The following NTN1 variants were observed in gnomAD, a reference collection of about 807,000 sequenced individuals.
The protein encoded by NTN1 is netrin-1.
NTN1 carries 11 observed loss-of-function variants against 54.2 expected under a neutral mutation model. That is an observed-to-expected ratio of 0.20 (90% CI 0.13 to 0.34). The LOEUF is 0.34. NTN1 is among the 10% of genes least tolerant of loss of function. The pLI, the probability that NTN1 is intolerant of heterozygous loss-of-function variation, is 1.00. For missense variants in NTN1, 740 were observed against 893.1 expected (o/e 0.83, Z 2.18); for synonymous variants, 371 against 382.0 (o/e 0.97, Z 0.33).
At chr17:9,228,908 C>CTGATCGTG (rs11281340) in intron 6 of NTN1, among the ~76,000 whole-genome samples, 2 of 149,502 alleles carry the variant, frequency 1.3e-5, no homozygotes, top group Non-Finnish European at 3.0e-5. Context: ...GTGTTCGTGA[C>CTGATCGTG]TGTGTGTGAC....
Position 9,243,011 on chromosome 17 carries a change from T to G in NTN1, c.*3043T>G, listed in dbSNP as rs1453656882. The stretch of plus-strand genomic sequence containing the variant: ...TTTGTTTGAAGAAAAACATACCAGA[T>G]TAGTCTTTGTTTTTGAAACAGCTTC... On this transcript the variant is annotated 3_prime_UTR_variant, in exon 7 of 7. Transcript: ENST00000173229. The G allele has an allele frequency of 6.6e-6, 1 of 152,214 alleles. No homozygotes were observed. The highest frequency in any genetic ancestry group is 1.5e-5 in the Non-Finnish European group (1 of 68,034). The allele number at this position is 152,214 out of a possible 1,614,324, so 9.4% of individuals were successfully genotyped here.
chr17:9,115,202 T>C (rs1341739617), intron 2 of NTN1, among the ~76,000 whole-genome samples: 1 of 152,216 alleles, frequency 6.6e-6, no homozygotes, highest in Non-Finnish European at 1.5e-5. Flanking sequence ...GAACTTGAGC[T>C]CATTCATTTG....
At chr17:9,151,184 G>T (rs570676565) in intron 2 of NTN1, among the ~76,000 whole-genome samples, 2 of 152,274 alleles carry the variant, frequency 1.3e-5, no homozygotes, top group African/African-American at 4.8e-5. Flanking sequence ...ACTCCTAGCA[G>T]CCCTTTTGTC....
In NTN1 at chr17:9,135,102, C is replaced by T. The variant is rs1048285411; in HGVS notation, c.1019-27711C>T. 6.6e-6 allele frequency among the ~76,000 whole-genome samples: 1 copy of T among 152,112 alleles called. No homozygotes were observed. Among genetic ancestry groups the T allele is most frequent in the Non-Finnish European group, 1.5e-5 (1 of 68,020 alleles). On this transcript the variant is annotated intron_variant, in intron 2 of 6. Coordinates refer to ENST00000173229, the MANE Select transcript of NTN1 (RefSeq NM_004822.3). This position sits in a 1 kb window ranked among gnomAD's most constrained non-coding sequence, Gnocchi z 4.4. The stretch of plus-strand genomic sequence containing the variant: ...GGTGTCCCCATCCACACCGAGGGCC[C>T]GGTAAGGCACATTGTCCCCCAGCCC...
chr17:9,111,223 A>C (rs1372802626), intron 2 of NTN1, among the ~76,000 whole-genome samples: 1 of 152,178 alleles, frequency 6.6e-6, no homozygotes, highest in Non-Finnish European at 1.5e-5. Flanking sequence ...GGCGTGAGCC[A>C]CTGCGCCCTG....
In NTN1 at chr17:9,162,782, G is replaced by A. The variant is rs371277642; in HGVS notation, c.1019-31G>A. On this transcript the variant is annotated intron_variant, in intron 2 of 6. Transcript: ENST00000173229. The stretch of plus-strand genomic sequence containing the variant: ...GTGCCTGTCCTCCCCGCGCCCCTGC[G>A]GCTGACACCTCTCTCTGTCTCCCCC... The A allele has an allele frequency of 6.3e-6, 10 of 1,582,942 alleles. No individual in the cohort carries two copies. In the South Asian group the frequency reaches 6.8e-5, roughly 11 times the overall value.
intron 1 of NTN1, 90 bp from the exon 2 acceptor site, chr17:9,022,221 G>A: frequency 2.3e-6 from 2 of 863,814 alleles, no homozygotes; most frequent in South Asian, 5.7e-5. Context: ...CCAGGAAGCC[G>A]GGCGTTCTCC....
intron 2 of NTN1, among the ~76,000 whole-genome samples, chr17:9,028,314 G>T (rs2091877911): frequency 6.6e-6 from 1 of 152,164 alleles, no homozygotes; most frequent in South Asian, 2.1e-4. Context: ...AGCAGCACAG[G>T]GCTGTCATTC....
intron 2 of NTN1, among the ~76,000 whole-genome samples, chr17:9,033,917 C>CA (rs58699789): frequency 0.3 from 31,965 of 106,190 alleles, 4,555 homozygotes; most frequent in East Asian, 0.61. Flanking sequence ...AACTCTGTCT[C>CA]AAAAAAAAAA....
chr17:9,099,915 T>C (rs1251055840), intron 2 of NTN1, among the ~76,000 whole-genome samples: 1 of 152,066 alleles, frequency 6.6e-6, no homozygotes, highest in Non-Finnish European at 1.5e-5. Flanking sequence ...AGAAGAAAAA[T>C]GTACTGAGTA....
In NTN1 at chr17:9,098,334, C is replaced by T. The variant is rs901793034; in HGVS notation, c.1019-64479C>T. On this transcript the variant is annotated intron_variant, in intron 2 of 6. Coordinates refer to ENST00000173229, the MANE Select transcript of NTN1 (RefSeq NM_004822.3). ...CAGGGTCTCCAGCAGTGCCTGCAGC[C>T]AGGTGTCCTGGGAGGCACCTGTGCA... Among the ~76,000 whole-genome samples, 4 of 152,218 alleles carry T rather than the reference C, an allele frequency of 2.6e-5. No homozygotes were observed. In the East Asian group the frequency reaches 7.7e-4, roughly 29 times the overall value.
intron 2 of NTN1, among the ~76,000 whole-genome samples, chr17:9,093,527 G>A (rs573924824): frequency 7.2e-5 from 11 of 152,218 alleles, no homozygotes; most frequent in East Asian, 1.9e-4. Flanking sequence ...CACACTTGGC[G>A]AATTTTCTTA....
rs1042914557 is a variant in NTN1, at chr17:9,221,031, G to A, written c.1412-137G>A. ...AAGCGCAGGCCTTTCCTGAATGGCC[G>A]CCTGCCCGCCCGGCCTGGCCCATGG... On this transcript the variant is annotated intron_variant, in intron 5 of 6. Coordinates refer to ENST00000173229, the MANE Select transcript of NTN1 (RefSeq NM_004822.3). The surrounding 1 kb of genome is among the most constrained non-coding windows in gnomAD (Gnocchi z 4.5). The A allele has an allele frequency of 7.2e-5, 53 of 731,488 alleles. No homozygotes were observed. Among genetic ancestry groups the A allele is most frequent in the South Asian group, 2.2e-4 (14 of 63,860 alleles). 45.3% of individuals were successfully genotyped at this position (731,488 alleles called of 1,614,324 possible). A position where few individuals can be genotyped will look rare whatever the true frequency, so the allele number is the denominator to read the frequency against.
rs140629371 is a variant in NTN1 at position 9,178,112 on chromosome 17, G to A, written c.1208-1695G>A. On this transcript the variant is annotated intron_variant, in intron 3 of 6. Transcript: ENST00000173229. Reference sequence around the variant, plus strand: ...CTCGGGAAGCTGAGGCAGGAGAATCGTTTGAACCCGGGAGGCGGAGGTTGC... The same window carrying A: ...CTCGGGAAGCTGAGGCAGGAGAATCATTTGAACCCGGGAGGCGGAGGTTGC... Among the ~76,000 whole-genome samples the A allele has an allele frequency of 1.6e-3, 241 of 152,330 alleles. 1 individual carries two copies. Among genetic ancestry groups the A allele is most frequent in the African/African-American group, 5.2e-3 (216 of 41,572 alleles).
chr17:9,181,356 C>T (rs2092418643), intron 4 of NTN1, among the ~76,000 whole-genome samples: 1 of 152,168 alleles, frequency 6.6e-6, no homozygotes, highest in African/African-American at 2.4e-5. Flanking sequence ...CAGAGCCAGG[C>T]TGACCTCAGG....
intron 2 of NTN1, among the ~76,000 whole-genome samples, chr17:9,089,690 C>T (rs927797930): frequency 2.0e-5 from 3 of 152,082 alleles, no homozygotes; most frequent in Admixed American, 6.6e-5. Flanking sequence ...TGGGTGCTTT[C>T]GGACTCTCAG....
At chr17:9,203,978 G>C (rs1342175710) in intron 5 of NTN1, among the ~76,000 whole-genome samples, 5 of 152,294 alleles carry the variant, frequency 3.3e-5, no homozygotes, top group Admixed American at 6.5e-5. Context: ...GCTGTTCTGA[G>C]GGTGAAACAG....
intron 2 of NTN1, among the ~76,000 whole-genome samples, chr17:9,032,633 A>G (rs2091891418): frequency 6.6e-6 from 1 of 152,240 alleles, no homozygotes; most frequent in Admixed American, 6.5e-5. Context: ...AGCATGAAAA[A>G]GAAAACACAT....
chr17:9,067,052 A>C (rs902675236), intron 2 of NTN1, among the ~76,000 whole-genome samples: 2 of 150,288 alleles, frequency 1.3e-5, no homozygotes, highest in African/African-American at 4.9e-5. Context: ...TGGGAGGCCG[A>C]GGTGGGCGGA....
Sources: gnomAD v4.1 joint callset for allele counts (sites outside exome capture counted in the v4.1 genomes callset) on GRCh38, gnomAD v4.1.1 for gene constraint, Gnocchi (gnomAD v3.1) non-coding constraint, MANE v1.5 for transcripts, NCBI Gene and HGNC (gene_info 2026-07-23, HGNC 2026-07-21) for gene names.